The following GNAT3 variants were observed in gnomAD, a reference collection of about 807,000 sequenced individuals.
The protein encoded by GNAT3 is G protein subunit alpha transducin 3.
A neutral mutation model predicts 37.7 loss-of-function variants in GNAT3; 31 were observed. That is an observed-to-expected ratio of 0.82 (90% confidence interval 0.62 to 1.11). The LOEUF is 1.11. Among genes scored for constraint, GNAT3 ranks in the 50% most tolerant of loss-of-function variants. The probability of loss-of-function intolerance (pLI) is 0.00; values close to 1 mark genes in which losing one functional copy is unlikely to be tolerated. For synonymous variants in GNAT3, 138 were observed against 139.8 expected (o/e 0.99, Z 0.09); for missense variants, 437 against 412.5 (o/e 1.06, Z -0.51).
chr7:80,496,384 G>T (rs1206198988), intron 1 of GNAT3, among the ~76,000 whole-genome samples: 1 of 152,108 alleles, frequency 6.6e-6, no homozygotes. Context: ...GCCTGCCTCG[G>T]CCTCCCAAAG....
intron 5 of GNAT3, among the ~76,000 whole-genome samples, chr7:80,470,679 C>G (rs4615513): frequency 0.28 from 42,612 of 151,946 alleles, 6,875 homozygotes; most frequent in East Asian, 0.59. Flanking sequence ...GCTCACCTTC[C>G]TATATGATTT....
chr7:80,492,762 CTG>C (rs1245560905), intron 2 of GNAT3, among the ~76,000 whole-genome samples: 1 of 151,422 alleles, frequency 6.6e-6, no homozygotes, highest in Non-Finnish European at 1.5e-5. Flanking sequence ...TATAAATTCT[CTG>C]TAATATATAA....
chr7:80,463,215 A>T (rs1341272732), intron 5 of GNAT3, among the ~76,000 whole-genome samples: 4 of 152,166 alleles, frequency 2.6e-5, no homozygotes, highest in African/African-American at 9.7e-5. Context: ...ATTCTAATAT[A>T]CAAGGTAAAA....
intron 1 of GNAT3, among the ~76,000 whole-genome samples, chr7:80,507,189 T>C (rs1027791284): frequency 3.9e-5 from 6 of 152,074 alleles, no homozygotes; most frequent in Middle Eastern, 3.4e-3. Flanking sequence ...ATCTTATCCA[T>C]GGACAGGCAT....
At chr7:80,497,578 A>ACGTATATACATATG (rs1220519304) in intron 1 of GNAT3, among the ~76,000 whole-genome samples, 5 of 140,534 alleles carry the variant, frequency 3.6e-5, no homozygotes, top group African/African-American at 1.3e-4. Flanking sequence ...ATATACATAT[A>ACGTATATACATATG]CGTATATACA....
chr7:80,493,832 T>A (rs371905874), intron 2 of GNAT3, among the ~76,000 whole-genome samples: 69 of 119,542 alleles, frequency 5.8e-4, no homozygotes, highest in African/African-American at 2.0e-3. Flanking sequence ...TTCCTCCTCC[T>A]CCTCTTTCCT....
intron 5 of GNAT3, among the ~76,000 whole-genome samples, chr7:80,471,511 C>T (rs536386381): frequency 2.0e-5 from 3 of 152,056 alleles, no homozygotes; most frequent in Admixed American, 6.6e-5. Context: ...GCAGTTGTCT[C>T]GTACCCTGGT....
intron 2 of GNAT3, among the ~76,000 whole-genome samples, chr7:80,490,903 T>G (rs1239556299): frequency 6.6e-6 from 1 of 152,060 alleles, no homozygotes; most frequent in Admixed American, 6.6e-5. Context: ...AAGGTCAGCA[T>G]TAGTGAAGCA....
intron 1 of GNAT3, among the ~76,000 whole-genome samples, chr7:80,495,846 GTCT>G (rs1328628580): frequency 6.6e-6 from 1 of 152,058 alleles, no homozygotes; most frequent in East Asian, 1.9e-4. Flanking sequence ...CCATTTGTAT[GTCT>G]TCTTTGAAAA....
At chr7:80,474,765 A>C (rs931813905) in intron 4 of GNAT3, among the ~76,000 whole-genome samples, 2 of 152,136 alleles carry the variant, frequency 1.3e-5, no homozygotes, top group Admixed American at 1.3e-4. Context: ...TAGGAGTATG[A>C]AAGAAAATTT....
At chr7:80,499,655 A>T (rs953570197) in intron 1 of GNAT3, among the ~76,000 whole-genome samples, 1 of 152,214 alleles carries the variant, frequency 6.6e-6, no homozygotes, top group Admixed American at 6.5e-5. Context: ...TTTTGAGCCA[A>T]CTTAATTTTG....
intron 1 of GNAT3, among the ~76,000 whole-genome samples, chr7:80,510,938 C>A (rs1692605047): frequency 6.6e-6 from 1 of 151,942 alleles, no homozygotes; most frequent in Non-Finnish European, 1.5e-5. Flanking sequence ...TTGTGTATAA[C>A]CAAAATCAGG....
At position 80,494,634 on chromosome 7, in the gene GNAT3, A is replaced by C; in HGVS notation, c.132T>G (p.Ser44=). 3.3e-6 allele frequency: 5 copies of C among 1,529,712 alleles called. No homozygotes were observed. The highest frequency in any genetic ancestry group is 4.5e-6 in the Non-Finnish European group (5 of 1,117,016). 94.8% of individuals were successfully genotyped at this position (1,529,712 alleles called of 1,614,324 possible). A position where few individuals can be genotyped will look rare whatever the true frequency, so the allele number is the denominator to read the frequency against. ...VKLLLLGAGE[S]GKSTIVKQMK... ...TTTGTTTAACAATAGTACTTTTCCC[A>C]GATTCTCCTGCTCCTGCAACATAAA... Residue 44 remains serine, a synonymous_variant, in exon 2 of 8, where the codon TCT becomes TCG. Transcript: ENST00000398291.
chr7:80,488,475 CTTATT>C (rs1432624606), intron 3 of GNAT3, 55 bp downstream of exon 3: 7 of 1,415,412 alleles, frequency 4.9e-6, no homozygotes, highest in African/African-American at 1.4e-5. Flanking sequence ...ATTAAGTCCT[CTTATT>C]TTATGGCTCA....
At chr7:80,499,639 A>G (rs1305252976) in intron 1 of GNAT3, among the ~76,000 whole-genome samples, 1 of 152,190 alleles carries the variant, frequency 6.6e-6, no homozygotes, top group Non-Finnish European at 1.5e-5. Flanking sequence ...TTTTTAGGGT[A>G]GTCTCTTTTG....
At chr7:80,462,031 G>C (rs1584165222) in intron 7 of GNAT3, 128 bp downstream of exon 7, 2 of 648,146 alleles carry the variant, frequency 3.1e-6, no homozygotes, top group Non-Finnish European at 2.6e-6. Context: ...TTCCAGTTTG[G>C]ATCATAAAGA....
chr7:80,465,171 C>G (rs1417156917), intron 5 of GNAT3, among the ~76,000 whole-genome samples: 2 of 152,004 alleles, frequency 1.3e-5, no homozygotes, highest in African/African-American at 4.8e-5. Context: ...ATAAAAACAA[C>G]CTTAGTGTTT....
chr7:80,469,135 C>T (rs1046254722), intron 5 of GNAT3, among the ~76,000 whole-genome samples: 11 of 152,164 alleles, frequency 7.2e-5, no homozygotes, highest in African/African-American at 2.4e-4. Context: ...CAAATGACCA[C>T]GATATACACA....
chr7:80,482,016 G>T (rs1009794009), intron 3 of GNAT3, among the ~76,000 whole-genome samples: 1 of 152,150 alleles, frequency 6.6e-6, no homozygotes, highest in African/African-American at 2.4e-5. Flanking sequence ...AATCCCCATA[G>T]AATGTATAAA....
Sources: allele counts gnomAD v4.1 joint callset (sites outside exome capture counted in the v4.1 genomes callset), GRCh38; gene constraint gnomAD v4.1.1; transcripts MANE v1.5; gene names NCBI Gene and HGNC (gene_info 2026-07-23, HGNC 2026-07-21).